The following RABGAP1L variants were observed in gnomAD, a reference collection of about 807,000 sequenced individuals.
RABGAP1L encodes the protein RAB GTPase activating protein 1 like.
Under a neutral mutation model 137.7 loss-of-function variants are expected in RABGAP1L, and 63 were observed. That is an observed-to-expected ratio of 0.46 (90% CI 0.37 to 0.56). RABGAP1L has a LOEUF of 0.56. RABGAP1L is among the 20% of genes least tolerant of loss of function. RABGAP1L has a pLI of 0.00. For missense variants in RABGAP1L, 1,095 were observed against 1,244.0 expected (o/e 0.88, Z 1.80); for synonymous variants, 431 against 433.7 (o/e 0.99, Z 0.08).
rs538404552 is a variant in RABGAP1L at position 174,445,165 on chromosome 1, T to C, written c.1710+51020T>C. Among the ~76,000 whole-genome samples, 4 of 152,238 alleles carry C rather than the reference T, an allele frequency of 2.6e-5. No individual in the cohort carries two copies. In the South Asian group the frequency reaches 8.3e-4, roughly 32 times the overall value. ...TCCATTTTTATCTTAATTTTCCTGG[T>C]GTATTTTAATTCTGACATAATTTGT... On this transcript the variant is annotated intron_variant, in intron 13 of 25. Coordinates refer to ENST00000681986, the MANE Select transcript of RABGAP1L (RefSeq NM_001366446.1).
Position 174,764,417 on chromosome 1 carries a change from C to A in RABGAP1L, c.2211+12063C>A, listed in dbSNP as rs371372175. Among the ~76,000 whole-genome samples the A allele has an allele frequency of 3.9e-5, 6 of 152,228 alleles. No individual in the cohort carries two copies. In the East Asian group the frequency reaches 1.2e-3, roughly 29 times the overall value. ...CCAAAGCAGCTGCACCATTACATCC[C>A]CCGTGGCAACGTATAAGTATGTTGT... On this transcript the variant is annotated intron_variant, in intron 18 of 25. Coordinates refer to ENST00000681986, the MANE Select transcript of RABGAP1L (RefSeq NM_001366446.1).
At chr1:174,656,390 A>G (rs971136336) in intron 14 of RABGAP1L, among the ~76,000 whole-genome samples, 11 of 152,148 alleles carry the variant, frequency 7.2e-5, no homozygotes, top group African/African-American at 2.7e-4. Context: ...CCTGGGAGGC[A>G]GAGGTTGCAG....
intron 19 of RABGAP1L, chr1:174,875,456 C>T: frequency 1.1e-6 from 1 of 923,304 alleles, no homozygotes; most frequent in Non-Finnish European, 1.3e-6. Context: ...GGGTGGTTGC[C>T]AGCAGGGAGT....
At chr1:174,918,577 G>T (rs1661256048) in intron 19 of RABGAP1L, among the ~76,000 whole-genome samples, 1 of 152,142 alleles carries the variant, frequency 6.6e-6, no homozygotes, top group South Asian at 2.1e-4. Flanking sequence ...GAGCTCAGGA[G>T]TTAGAGATCA....
At chr1:174,458,619 A>G (rs1018244608) in intron 13 of RABGAP1L, among the ~76,000 whole-genome samples, 1 of 152,128 alleles carries the variant, frequency 6.6e-6, no homozygotes, top group African/African-American at 2.4e-5. Flanking sequence ...AGTTCTTACT[A>G]TTATATAGCT....
intron 20 of RABGAP1L, among the ~76,000 whole-genome samples, chr1:174,967,497 C>T (rs1359579862): frequency 6.6e-6 from 1 of 151,920 alleles, no homozygotes; most frequent in East Asian, 1.9e-4. Context: ...ATCACCACAC[C>T]CATCTAATTT....
At position 174,619,931 on chromosome 1, in the gene RABGAP1L, G is replaced by C. The variant is rs572882625; in HGVS notation, c.1711-17444G>C. On this transcript the variant is annotated intron_variant, in intron 13 of 25. Transcript: ENST00000681986. Reference sequence around the variant, plus strand: ...AGAGACACACATAGGCTCACAATAAGGGACGGAGGAAGATCTACCAAGGAA... The same window carrying C: ...AGAGACACACATAGGCTCACAATAACGGACGGAGGAAGATCTACCAAGGAA... 5.2e-4 allele frequency among the ~76,000 whole-genome samples: 79 copies of C among 152,164 alleles called. 1 individual carries two copies. Among genetic ancestry groups the C allele is most frequent in the African/African-American group, 1.7e-3 (72 of 41,502 alleles).
intron 13 of RABGAP1L, among the ~76,000 whole-genome samples, chr1:174,513,456 T>TA (rs898709521): frequency 1.3e-4 from 20 of 150,316 alleles, no homozygotes; most frequent in East Asian, 7.8e-4. Flanking sequence ...AAAATTAAAA[T>TA]AAAAAAAAAT....
intron 14 of RABGAP1L, among the ~76,000 whole-genome samples, chr1:174,678,314 G>A (rs749805406): frequency 2.6e-5 from 4 of 152,012 alleles, no homozygotes; most frequent in African/African-American, 9.7e-5. Context: ...CCAGTCTTAC[G>A]CAAAACTCTT....
chr1:174,697,190 A>G (rs927579712), intron 15 of RABGAP1L, among the ~76,000 whole-genome samples: 1 of 152,250 alleles, frequency 6.6e-6, no homozygotes, highest in African/African-American at 2.4e-5. Flanking sequence ...TATTTGCCCT[A>G]ATGATTTTAC....
At chr1:174,281,949 A>C (rs2148689492) in intron 10 of RABGAP1L, among the ~76,000 whole-genome samples, 1 of 152,300 alleles carries the variant, frequency 6.6e-6, no homozygotes, top group Non-Finnish European at 1.5e-5. Context: ...TCTTTTATGT[A>C]AAAGCTTTCT....
chr1:174,383,602 A>C (rs550788553), intron 12 of RABGAP1L, among the ~76,000 whole-genome samples: 15 of 151,586 alleles, frequency 9.9e-5, no homozygotes, highest in East Asian at 5.9e-4. Flanking sequence ...GAACTCCCTG[A>C]CCCCTTGCGC....
chr1:174,569,834 T>C (rs1472503094), intron 13 of RABGAP1L, among the ~76,000 whole-genome samples: 3 of 152,200 alleles, frequency 2.0e-5, no homozygotes, highest in Non-Finnish European at 4.4e-5. Context: ...TAGACAAGGT[T>C]GTTTGCATTT....
intron 19 of RABGAP1L, among the ~76,000 whole-genome samples, chr1:174,951,568 T>C (rs554834829): frequency 1.1e-3 from 173 of 152,334 alleles, no homozygotes; most frequent in African/African-American, 3.9e-3. Flanking sequence ...CCTTGCACAC[T>C]GGTCCAGGCC....
At chr1:174,735,331 T>C (rs2148633843) in intron 17 of RABGAP1L, among the ~76,000 whole-genome samples, 1 of 151,972 alleles carries the variant, frequency 6.6e-6, no homozygotes, top group African/African-American at 2.4e-5. Context: ...GCTGGAAGCT[T>C]CTCCCTTGAA....
At chr1:174,258,933 A>G (rs927141997) in intron 7 of RABGAP1L, among the ~76,000 whole-genome samples, 1 of 151,384 alleles carries the variant, frequency 6.6e-6, no homozygotes, top group African/African-American at 2.4e-5. Flanking sequence ...GTCCACCACT[A>G]CTCTGGGCTA....
intron 23 of RABGAP1L, among the ~76,000 whole-genome samples, chr1:174,980,985 G>C (rs568272942): frequency 6.6e-6 from 1 of 151,738 alleles, no homozygotes; most frequent in South Asian, 2.1e-4. Context: ...GAGAAGAGGT[G>C]GTAGACATTA....
At chr1:174,583,306 C>A (rs1197204931) in intron 13 of RABGAP1L, among the ~76,000 whole-genome samples, 1 of 152,100 alleles carries the variant, frequency 6.6e-6, no homozygotes, top group Admixed American at 6.6e-5. Context: ...CCTAAAAATT[C>A]CATTTCAAGG....
chr1:174,170,671 CAAAAAAAAAAA>C (rs35800051), intron 1 of RABGAP1L, among the ~76,000 whole-genome samples: 2 of 85,360 alleles, frequency 2.3e-5, no homozygotes, highest in Non-Finnish European at 4.8e-5. Flanking sequence ...GACGCTGTTT[CAAAAAAAAAAA>C]AAAAAAAAAA....
Sources: allele counts gnomAD v4.1 joint callset (sites outside exome capture counted in the v4.1 genomes callset), GRCh38; gene constraint gnomAD v4.1.1; transcripts MANE v1.5; gene names NCBI Gene and HGNC (gene_info 2026-07-23, HGNC 2026-07-21).